Variants in PCED1B observed in about 807,000 individuals in gnomAD.
PCED1B encodes the protein PC-esterase domain containing 1B, also known as PC-esterase domain-containing protein 1B.
For synonymous variants in PCED1B, 251 were observed against 246.1 expected (o/e 1.02, Z -0.19); for missense variants, 573 against 573.9 (o/e 1.00, Z 0.02).
At chr12:47,208,834 CG>C (rs1942991411) in intron 2 of PCED1B, 1 of 152,036 alleles carries the variant, frequency 6.6e-6, no homozygotes, top group African/African-American at 2.4e-5. Flanking sequence ...TGACACTGGC[CG>C]GGTGCAGTGG....
At chr12:47,174,188 C>A (rs1941845915) in intron 2 of PCED1B, among the ~76,000 whole-genome samples, 1 of 152,056 alleles carries the variant, frequency 6.6e-6, no homozygotes, top group Non-Finnish European at 1.5e-5. Context: ...GAGGGTGGAT[C>A]ACTTGAGGCC....
At chr12:47,090,493 T>A (rs1209947805) in intron 1 of PCED1B, among the ~76,000 whole-genome samples, 2 of 152,202 alleles carry the variant, frequency 1.3e-5, no homozygotes, top group Non-Finnish European at 2.9e-5. Flanking sequence ...GCAAGAATCA[T>A]GTACCATGCA....
intron 2 of PCED1B, among the ~76,000 whole-genome samples, chr12:47,207,992 T>C (rs917940922): frequency 2.6e-5 from 4 of 152,190 alleles, no homozygotes; most frequent in African/African-American, 9.6e-5. Flanking sequence ...TCGAACTTTG[T>C]GGGCTAACAC....
chr12:47,080,798 TCC>T (rs1458123534), intron 1 of PCED1B, among the ~76,000 whole-genome samples: 1 of 152,010 alleles, frequency 6.6e-6, no homozygotes, highest in Non-Finnish European at 1.5e-5. Context: ...CTCTTCTCTC[TCC>T]CTCTCTCTCT....
At chr12:47,158,923 CAT>C (rs1941282810) in intron 2 of PCED1B, among the ~76,000 whole-genome samples, 1 of 152,148 alleles carries the variant, frequency 6.6e-6, no homozygotes, top group South Asian at 2.1e-4. Context: ...CCCACCCACA[CAT>C]AGCCTCTGTT....
intron 2 of PCED1B, among the ~76,000 whole-genome samples, chr12:47,131,777 C>T (rs1183684254): frequency 1.3e-5 from 2 of 150,542 alleles, no homozygotes; most frequent in African/African-American, 5.0e-5. Context: ...CAAGCAATTC[C>T]CCTGCCTCAG....
rs1233280547 is a variant in PCED1B, at chr12:47,089,461, C to CATGTATATATATATAT, written c.-609+9738_-609+9739insGTATATATATATATAT. Among the ~76,000 whole-genome samples, 348 of 63,342 alleles carry CATGTATATATATATAT rather than the reference C, an allele frequency of 5.5e-3. 24 individuals carry two copies. The highest frequency in any genetic ancestry group is 8.8e-3 in the Admixed American group (33 of 3,744). The allele number at this position is 63,342 out of a possible 152,430, so 41.6% of individuals were successfully genotyped here. ...GACTCCATCTCAAAAAAAAAAAATA[C>CATGTATATATATATAT]ATATATATATATATATATATATATA... On this transcript the variant is annotated intron_variant, in intron 1 of 3. Transcript: ENST00000546455.
chr12:47,197,781 A>G (rs2137690746), intron 2 of PCED1B, among the ~76,000 whole-genome samples: 2 of 152,280 alleles, frequency 1.3e-5, no homozygotes, highest in Admixed American at 1.3e-4. Context: ...GCCCACAAAT[A>G]TGATCATTTA....
intron 2 of PCED1B, among the ~76,000 whole-genome samples, chr12:47,177,405 G>A (rs1405669267): frequency 1.3e-5 from 2 of 152,138 alleles, no homozygotes; most frequent in Non-Finnish European, 2.9e-5. Flanking sequence ...TGCTAATGGG[G>A]TGACTGACAC....
intron 2 of PCED1B, among the ~76,000 whole-genome samples, chr12:47,177,977 A>G (rs1270721267): frequency 6.6e-6 from 1 of 152,148 alleles, no homozygotes; most frequent in Non-Finnish European, 1.5e-5. Context: ...TGGCCATGGA[A>G]TTAGTGCCAG....
chr12:47,224,657 G>C (rs115360288), intron 3 of PCED1B, among the ~76,000 whole-genome samples: 13 of 152,236 alleles, frequency 8.5e-5, no homozygotes, highest in African/African-American at 2.9e-4. Context: ...TGTGTTTAAA[G>C]ACTACCTGGA....
intron 1 of PCED1B, among the ~76,000 whole-genome samples, chr12:47,080,938 G>C (rs967062153): frequency 6.6e-6 from 1 of 152,148 alleles, no homozygotes; most frequent in Non-Finnish European, 1.5e-5. Flanking sequence ...CGTGTGCGCG[G>C]AGGCTCTTCA....
chr12:47,228,431 C>T (rs1417982844), intron 3 of PCED1B, among the ~76,000 whole-genome samples: 1 of 152,174 alleles, frequency 6.6e-6, no homozygotes, highest in Non-Finnish European at 1.5e-5. Context: ...CCTTCATGAC[C>T]ATCTCTCCTG....
intron 2 of PCED1B, among the ~76,000 whole-genome samples, chr12:47,151,420 G>T (rs1940988772): frequency 2.0e-5 from 3 of 152,188 alleles, no homozygotes. Flanking sequence ...ATAACGTCTA[G>T]ATTGTGTATG....
chr12:47,114,662 T>C (rs1422297956), intron 2 of PCED1B, among the ~76,000 whole-genome samples: 3 of 152,202 alleles, frequency 2.0e-5, no homozygotes, highest in Admixed American at 1.3e-4. Flanking sequence ...CAGATGTTCC[T>C]AGCCCAGAAG....
intron 2 of PCED1B, chr12:47,209,787 G>A (rs543241836): frequency 2.0e-5 from 3 of 152,304 alleles, no homozygotes; most frequent in Non-Finnish European, 2.9e-5. Flanking sequence ...ATGTGATTTA[G>A]CAGGTTAAAT....
At chr12:47,169,118 C>T (rs1279449360) in intron 2 of PCED1B, among the ~76,000 whole-genome samples, 1 of 152,126 alleles carries the variant, frequency 6.6e-6, no homozygotes, top group Non-Finnish European at 1.5e-5. Flanking sequence ...TTTTACATAA[C>T]ACAGAAGTGG....
chr12:47,177,625 C>T (rs998462943), intron 2 of PCED1B, among the ~76,000 whole-genome samples: 1 of 151,908 alleles, frequency 6.6e-6, no homozygotes, highest in African/African-American at 2.4e-5. Context: ...TGGGGGGTGG[C>T]AACTAGAAAC....
At chr12:47,201,144 A>AG (rs888499443) in intron 2 of PCED1B, among the ~76,000 whole-genome samples, 5 of 152,074 alleles carry the variant, frequency 3.3e-5, no homozygotes, top group South Asian at 2.1e-4. Context: ...AGAAAAGGGG[A>AG]GGGGGGGAGT....
Sources: gnomAD v4.1 joint callset for allele counts (sites outside exome capture counted in the v4.1 genomes callset) on GRCh38, gnomAD v4.1.1 for gene constraint, MANE v1.5 for transcripts, NCBI Gene and HGNC (gene_info 2026-07-23, HGNC 2026-07-21) for gene names.